Variants in WIPF1 observed in about 807,000 individuals in gnomAD.
WIPF1 encodes the protein WAS/WASL interacting protein family member 1.
Under a neutral mutation model 35.4 loss-of-function variants are expected in WIPF1, and 13 were observed. The ratio of observed to expected loss-of-function variants is 0.37; its 90% CI spans 0.24 to 0.58. The LOEUF (loss-of-function observed/expected upper bound fraction) is 0.58. Ranked by LOEUF, WIPF1 falls within the 20% of genes least tolerant of loss-of-function variation. The probability of loss-of-function intolerance (pLI) is 0.74; values close to 1 mark genes in which losing one functional copy is unlikely to be tolerated. For missense variants in WIPF1, 591 were observed against 667.0 expected (o/e 0.89, Z 1.25); for synonymous variants, 267 against 266.3 (o/e 1.00, Z -0.02).
upstream of WIPF1, among the ~76,000 whole-genome samples, chr2:174,599,329 G>A (rs1275481525): frequency 2.0e-5 from 3 of 152,178 alleles, no homozygotes; most frequent in Non-Finnish European, 4.4e-5. Context: ...TGGGACAGAT[G>A]ATGTCTAAGG....
chr2:174,616,391 G>T (rs544496076), intron 1 of WIPF1, among the ~76,000 whole-genome samples: 2 of 152,020 alleles, frequency 1.3e-5, no homozygotes, highest in Admixed American at 1.3e-4. Context: ...GGGAGGCCTC[G>T]ACCCCTGCTG....
chr2:174,652,799 A>C (rs4471858), intron 1 of WIPF1, among the ~76,000 whole-genome samples: 42,847 of 151,368 alleles, frequency 0.28, 7,541 homozygotes, highest in East Asian at 0.68. Flanking sequence ...TTTAAAAAAA[A>C]AAAAAAAACA....
At chr2:174,618,439 G>C (rs1223933400) in intron 1 of WIPF1, among the ~76,000 whole-genome samples, 1 of 152,198 alleles carries the variant, frequency 6.6e-6, no homozygotes, top group Non-Finnish European at 1.5e-5. Flanking sequence ...TAAGAGAGGA[G>C]GGGAGATCTG....
chr2:174,674,089 T>C (rs1418989255), intron 1 of WIPF1, among the ~76,000 whole-genome samples: 1 of 152,244 alleles, frequency 6.6e-6, no homozygotes, highest in African/African-American at 2.4e-5. Context: ...AATGTACTGC[T>C]GGAGCTTTAT....
intron 1 of WIPF1, among the ~76,000 whole-genome samples, chr2:174,650,128 T>C (rs1687504997): frequency 6.6e-6 from 1 of 152,138 alleles, no homozygotes; most frequent in Admixed American, 6.5e-5. Context: ...CTCTTGGCCT[T>C]GGTTCAGGGG....
intron 1 of WIPF1, among the ~76,000 whole-genome samples, chr2:174,634,980 A>G (rs547326978): frequency 3.9e-5 from 6 of 152,250 alleles, no homozygotes; most frequent in African/African-American, 9.6e-5. Context: ...TGCCACCCTC[A>G]GGGCAGCTGA....
intron 1 of WIPF1, among the ~76,000 whole-genome samples, chr2:174,664,573 A>G (rs1053438119): frequency 1.3e-5 from 2 of 152,220 alleles, no homozygotes; most frequent in African/African-American, 4.8e-5. Context: ...GAAAACCAAG[A>G]ATGCCCTCTC....
At chr2:174,616,681 C>A (rs1020314227) in intron 1 of WIPF1, among the ~76,000 whole-genome samples, 1 of 152,110 alleles carries the variant, frequency 6.6e-6, no homozygotes, top group African/African-American at 2.4e-5. Flanking sequence ...CAATAAAGAC[C>A]ATGTTTTACT....
chr2:174,661,204 G>A (rs913171906), intron 1 of WIPF1, among the ~76,000 whole-genome samples: 9 of 152,352 alleles, frequency 5.9e-5, no homozygotes, highest in East Asian at 1.9e-4. Context: ...CAGCCTGACC[G>A]GGCAGGCAGG....
intron 1 of WIPF1, among the ~76,000 whole-genome samples, chr2:174,611,308 A>G (rs917974638): frequency 3.3e-5 from 5 of 152,210 alleles, no homozygotes; most frequent in African/African-American, 1.2e-4. Context: ...ATGCAAATGG[A>G]AAGGGCTCCA....
At chr2:174,640,842 C>A (rs1687281801) in intron 1 of WIPF1, among the ~76,000 whole-genome samples, 2 of 152,102 alleles carry the variant, frequency 1.3e-5, no homozygotes, top group African/African-American at 4.8e-5. Flanking sequence ...CCAAAGCAAT[C>A]TACAGATTTA....
Position 174,677,658 on chromosome 2 carries a change from C to CA in WIPF1, c.-39+5115dup, listed in dbSNP as rs201645335. Among the ~76,000 whole-genome samples the CA allele has an allele frequency of 4.9e-3, 740 of 152,288 alleles. 4 individuals carry two copies. Among genetic ancestry groups the CA allele is most frequent in the Middle Eastern group, 0.017 (5 of 294 alleles). On this transcript the variant is annotated intron_variant, in intron 1 of 8. Coordinates refer to the WIPF1 transcript ENST00000272746. ...TAATTGTGTCTCCTGTTAATTTTAGCACATTCTTCTTTTACTGAGTATCAG... is the reference window on the plus strand; with the variant it reads ...TAATTGTGTCTCCTGTTAATTTTAGCAACATTCTTCTTTTACTGAGTATCAG...
chr2:174,645,484 C>G (rs1687387544), intron 1 of WIPF1, among the ~76,000 whole-genome samples: 1 of 152,260 alleles, frequency 6.6e-6, no homozygotes, highest in South Asian at 2.1e-4. Flanking sequence ...AATGGTCCAG[C>G]CAGACCCCAG....
chr2:174,589,679 A>G (rs573705639), intron 1 of WIPF1, among the ~76,000 whole-genome samples: 1 of 152,218 alleles, frequency 6.6e-6, no homozygotes, highest in Admixed American at 6.5e-5. Context: ...GAAATGTAGC[A>G]TTTCCTTTGA....
At chr2:174,602,007 A>C (rs1361756007), upstream of WIPF1, among the ~76,000 whole-genome samples, 1 of 152,200 alleles carries the variant, frequency 6.6e-6, no homozygotes. Flanking sequence ...CGGATGGGAG[A>C]GGTTGTTATA....
intron 1 of WIPF1, among the ~76,000 whole-genome samples, chr2:174,680,221 C>A (rs1321120028): frequency 6.6e-6 from 1 of 152,238 alleles, no homozygotes; most frequent in Non-Finnish European, 1.5e-5. Flanking sequence ...TCCTTTCTAC[C>A]CTTACCTAGC....
At chr2:174,588,035 G>A (rs1206470497) in intron 1 of WIPF1, among the ~76,000 whole-genome samples, 3 of 152,238 alleles carry the variant, frequency 2.0e-5, no homozygotes, top group African/African-American at 7.2e-5. Flanking sequence ...GCCTGTGTTA[G>A]GGGGTCCTCC....
intron 1 of WIPF1, among the ~76,000 whole-genome samples, chr2:174,595,290 C>CAAA (rs377491345): frequency 1.1e-3 from 48 of 45,242 alleles, no homozygotes; most frequent in African/African-American, 3.7e-3. Context: ...AACCCTGTCT[C>CAAA]AAAAAAAAAA....
chr2:174,668,512 A>G (rs1393699691), intron 1 of WIPF1, among the ~76,000 whole-genome samples: 1 of 152,192 alleles, frequency 6.6e-6, no homozygotes, highest in Non-Finnish European at 1.5e-5. Flanking sequence ...CAGTGCCACC[A>G]GTTTTAGGCA....
Sources: allele counts gnomAD v4.1 joint callset (sites outside exome capture counted in the v4.1 genomes callset), GRCh38; gene constraint gnomAD v4.1.1; transcripts MANE v1.5; gene names NCBI Gene and HGNC (gene_info 2026-07-23, HGNC 2026-07-21).